PEX3: variants seen among roughly 807,000 people sequenced by gnomAD.
PEX3 encodes peroxin-3.
Under a neutral mutation model 55.8 loss-of-function variants are expected in PEX3, and 30 were observed. The ratio of observed to expected loss-of-function variants is 0.54; its 90% CI spans 0.40 to 0.73. The LOEUF is 0.73. PEX3 is among the 30% of genes least tolerant of loss of function. The pLI is 0.00. For missense variants in PEX3, 351 were observed against 432.8 expected (o/e 0.81, Z 1.68); for synonymous variants, 135 against 148.4 (o/e 0.91, Z 0.66).
rs766981237 is a variant in PEX3 at position 143,459,133 on chromosome 6, A to G, written c.122A>G (p.Gln41Arg). The G allele has an allele frequency of 6.2e-7, 1 of 1,603,288 alleles. No homozygotes were observed. The highest frequency in any genetic ancestry group is 8.5e-7 in the Non-Finnish European group (1 of 1,170,224). ...KYGQKKIREI[Q>R]EREAAEYIAQ... ...GGACAGAAGAAAATCAGAGAAATAC[A>G]GGAAAGGGAGGCTGCAGAATACATT... Residue 41 changes from glutamine to arginine, a missense_variant, in exon 2 of 12, where the codon CAG becomes CGG. By Grantham distance (43) the Gln-to-Arg change is conservative. Coordinates refer to ENST00000367591, the MANE Select transcript of PEX3 (RefSeq NM_003630.3). This position sits in a 1 kb window ranked among gnomAD's most constrained non-coding sequence, Gnocchi z 4.2.
At chr6:143,460,020 A>G (rs1385490035) in intron 2 of PEX3, among the ~76,000 whole-genome samples, 3 of 152,270 alleles carry the variant, frequency 2.0e-5, no homozygotes, top group African/African-American at 7.2e-5. Flanking sequence ...CTGAAGAATT[A>G]GTTCTCAAAT....
At chr6:143,468,723 A>C (rs1353986336) in intron 4 of PEX3, among the ~76,000 whole-genome samples, 1 of 151,050 alleles carries the variant, frequency 6.6e-6, no homozygotes, top group Non-Finnish European at 1.5e-5. Flanking sequence ...CAGGTTTGTT[A>C]CATATGTATA....
rs895799861 is a variant in PEX3 at position 143,454,034 on chromosome 6, A to G, written c.73+2919A>G. Among the ~76,000 whole-genome samples, 1 of 141,756 alleles carries G rather than the reference A, an allele frequency of 7.1e-6. No individual in the cohort carries two copies. The highest frequency in any genetic ancestry group is 2.7e-5 in the African/African-American group (1 of 37,648). 93.0% of individuals were successfully genotyped at this position (141,756 alleles called of 152,430 possible). On this transcript the variant is annotated intron_variant, in intron 1 of 11. Coordinates refer to ENST00000367591, the MANE Select transcript of PEX3 (RefSeq NM_003630.3). The surrounding 1 kb of genome is among the most constrained non-coding windows in gnomAD (Gnocchi z 4.3). ...ATTCAAAATTAAAATGAAATTTTTTAAAATATTAATTCATTTTAAAATAAT... is the reference window on the plus strand; with the variant it reads ...ATTCAAAATTAAAATGAAATTTTTTGAAATATTAATTCATTTTAAAATAAT...
rs1218743982 is a variant in PEX3, at chr6:143,463,015, C to T, written c.287+18C>T. 1 of 1,577,036 alleles carries T rather than the reference C, an allele frequency of 6.3e-7. No individual in the cohort carries two copies. The highest frequency in any genetic ancestry group is 8.7e-7 in the Non-Finnish European group (1 of 1,146,464). On this transcript the variant is annotated intron_variant, in intron 3 of 11. Coordinates refer to ENST00000367591, the MANE Select transcript of PEX3 (RefSeq NM_003630.3). This position sits in a 1 kb window ranked among gnomAD's most constrained non-coding sequence, Gnocchi z 5.7. ...AAAAACAGGTAAATGCAAGTTACAG[C>T]ATTTTCTGTTTAAGCACTACACTTA... is the stretch of plus-strand genomic sequence containing the variant.
intron 1 of PEX3, among the ~76,000 whole-genome samples, chr6:143,457,897 A>G (rs1779868315): frequency 6.6e-6 from 1 of 152,208 alleles, no homozygotes. Context: ...TACCTGGTTA[A>G]CTCAGTTGAC....
chr6:143,469,900 G>C (rs1252236437), intron 4 of PEX3, among the ~76,000 whole-genome samples: 1 of 152,102 alleles, frequency 6.6e-6, no homozygotes, highest in African/African-American at 2.4e-5. Context: ...TTGCCTATTT[G>C]AAAACAAACC....
intron 9 of PEX3, among the ~76,000 whole-genome samples, chr6:143,477,188 A>G (rs975573287): frequency 3.9e-5 from 6 of 152,166 alleles, no homozygotes; most frequent in African/African-American, 1.4e-4. Flanking sequence ...AAGCACAGAC[A>G]ACTGTTGCAA....
rs1276675787 is a variant in PEX3 at position 143,459,283 on chromosome 6, G to A, written c.205+67G>A. 4.3e-5 allele frequency: 59 copies of A among 1,380,696 alleles called. No homozygotes were observed. The Admixed American group carries it at 6.4e-4, about 15-fold the overall frequency. The allele number at this position is 1,380,696 out of a possible 1,614,324, so 85.5% of individuals were successfully genotyped here. ...CGGTTGTATTAATTTGCATATCACC[G>A]GGATCAAATTTAGAGGAAAAGGCAA... On this transcript the variant is annotated intron_variant, in intron 2 of 11. Coordinates refer to ENST00000367591, the MANE Select transcript of PEX3 (RefSeq NM_003630.3). The surrounding 1 kb of genome is among the most constrained non-coding windows in gnomAD (Gnocchi z 4.2).
chr6:143,470,862 T>G (rs1780064168), intron 4 of PEX3, 99 bp from the exon 5 acceptor site: 1 of 965,306 alleles, frequency 1.0e-6, no homozygotes, highest in Non-Finnish European at 1.6e-6. Context: ...TAAATATGTT[T>G]TTAAAAGTCA....
At position 143,485,196 on chromosome 6, in the gene PEX3, TAA is replaced by T; in HGVS notation, c.988_989del (p.Asn330ArgfsTer9). 6.2e-7 allele frequency: 1 copy of T among 1,607,834 alleles called. No individual in the cohort carries two copies. The highest frequency in any genetic ancestry group is 8.5e-7 in the Non-Finnish European group (1 of 1,174,518). ...CCTTTAGCTAAGATAATTCCAATAG[TAA>T]ACGGACAGATCCATTCAGTTTGCAG... On this transcript the variant is annotated frameshift_variant, in exon 11 of 12. Coordinates refer to ENST00000367591, the MANE Select transcript of PEX3 (RefSeq NM_003630.3). LOFTEE classifies it high-confidence loss of function. This position sits in a 1 kb window ranked among gnomAD's most constrained non-coding sequence, Gnocchi z 5.6.
chr6:143,469,019 G>A (rs1471484566), intron 4 of PEX3, among the ~76,000 whole-genome samples: 2 of 152,046 alleles, frequency 1.3e-5, no homozygotes, highest in African/African-American at 4.8e-5. Context: ...CTTTTTTGGG[G>A]CTGCATAGTA....
At position 143,463,099 on chromosome 6, in the gene PEX3, GA is replaced by G; in HGVS notation, c.287+105del. The G allele has an allele frequency of 1.2e-6, 1 of 843,886 alleles. No individual in the cohort carries two copies. The highest frequency in any genetic ancestry group is 1.4e-5 in the South Asian group (1 of 69,022). 52.3% of individuals were successfully genotyped at this position (843,886 alleles called of 1,614,324 possible). ...AATCTTTGTTATTTTTCTATCTAAT[GA>G]AAGTTTATATAGGCTCAGTAAGAAA... is the stretch of plus-strand genomic sequence containing the variant. On this transcript the variant is annotated intron_variant, in intron 3 of 11. Transcript: ENST00000367591. The surrounding 1 kb of genome is among the most constrained non-coding windows in gnomAD (Gnocchi z 5.7).
At position 143,468,119 on chromosome 6, in the gene PEX3, T is replaced by C. The variant is rs767885924; in HGVS notation, c.288-3T>C. 29 of 1,525,356 alleles carry C rather than the reference T, an allele frequency of 1.9e-5. No individual in the cohort carries two copies. Among genetic ancestry groups the C allele is most frequent in the Non-Finnish European group, 2.3e-5 (25 of 1,101,672 alleles). The allele number at this position is 1,525,356 out of a possible 1,614,324, so 94.5% of individuals were successfully genotyped here. A position where few individuals can be genotyped will look rare whatever the true frequency, so the allele number is the denominator to read the frequency against. On this transcript the variant is annotated splice_region_variant and splice_polypyrimidine_tract_variant and intron_variant, in intron 3 of 11. Transcript: ENST00000367591. Reference sequence around the variant, plus strand: ...TTTCATATTTTTAAATTTTGTTCTTTAGGCCTTCAAACAAGCTAGAAATAT... The same window carrying C: ...TTTCATATTTTTAAATTTTGTTCTTCAGGCCTTCAAACAAGCTAGAAATAT...
rs1780159526 is a variant in PEX3, at chr6:143,476,829, ATGG to A, written c.818+1975_818+1977del. On this transcript the variant is annotated intron_variant, in intron 9 of 11. Transcript: ENST00000367591. This position sits in a 1 kb window ranked among gnomAD's most constrained non-coding sequence, Gnocchi z 5.4. ...AATGTTGGGAGTCATCACTTTGTAT[ATGG>A]TATTTAAAGACATGGGAATAGGAAC... Among the ~76,000 whole-genome samples, 3 of 152,296 alleles carry A rather than the reference ATGG, an allele frequency of 2.0e-5. 1 individual carries two copies. The South Asian group carries it at 6.2e-4, about 32-fold the overall frequency.
At position 143,475,759 on chromosome 6, in the gene PEX3, A is replaced by G. The variant is rs1379150337; in HGVS notation, c.818+903A>G. On this transcript the variant is annotated intron_variant, in intron 9 of 11. Coordinates refer to ENST00000367591, the MANE Select transcript of PEX3 (RefSeq NM_003630.3). The surrounding 1 kb of genome is among the most constrained non-coding windows in gnomAD (Gnocchi z 4.4). ...CAATGTTTTATACTCCCATTACTTT[A>G]CTATGCTAGTAGTTAAAGCCAAATG... Among the ~76,000 whole-genome samples the G allele has an allele frequency of 2.6e-5, 4 of 152,198 alleles. No homozygotes were observed. The highest frequency in any genetic ancestry group is 4.4e-5 in the Non-Finnish European group (3 of 68,038).
At chr6:143,472,850 T>G (rs953702486) in intron 8 of PEX3, among the ~76,000 whole-genome samples, 1 of 152,218 alleles carries the variant, frequency 6.6e-6, no homozygotes, top group Non-Finnish European at 1.5e-5. Flanking sequence ...AAAAATGGAC[T>G]GAGGAGGTTA....
At chr6:143,457,186 A>G (rs1464107737) in intron 1 of PEX3, among the ~76,000 whole-genome samples, 3 of 152,224 alleles carry the variant, frequency 2.0e-5, no homozygotes, top group Non-Finnish European at 4.4e-5. Context: ...CAAATAAGAT[A>G]CAAACAATTC....
chr6:143,471,208 T>G lies in PEX3; in HGVS notation c.456+123T>G. ...TTTATATTTCATGTGATTGTGAACT[T>G]TTAGTATTATGAATAATTTTTATAT... On this transcript the variant is annotated intron_variant, in intron 5 of 11. Transcript: ENST00000367591. This position sits in a 1 kb window ranked among gnomAD's most constrained non-coding sequence, Gnocchi z 5.4. 9.6e-7 allele frequency: 1 copy of G among 1,042,312 alleles called. No homozygotes were observed. The highest frequency in any genetic ancestry group is 1.4e-6 in the Non-Finnish European group (1 of 691,668). 64.6% of individuals were successfully genotyped at this position (1,042,312 alleles called of 1,614,324 possible).
At chr6:143,474,566 C>G (rs1420252270) in intron 8 of PEX3, among the ~76,000 whole-genome samples, 1 of 152,056 alleles carries the variant, frequency 6.6e-6, no homozygotes, top group East Asian at 1.9e-4. Context: ...AGAGCTCTTA[C>G]TAAGTATAAT....
Sources: gnomAD v4.1 joint callset for allele counts (sites outside exome capture counted in the v4.1 genomes callset) on GRCh38, gnomAD v4.1.1 for gene constraint, Gnocchi (gnomAD v3.1) non-coding constraint, MANE v1.5 for transcripts, NCBI Gene and HGNC (gene_info 2026-07-23, HGNC 2026-07-21) for gene names.